The following ZC3H12B variants were observed in gnomAD, a reference collection of about 807,000 sequenced individuals.
ZC3H12B encodes the protein probable ribonuclease ZC3H12B.
A neutral mutation model predicts 43.9 loss-of-function variants in ZC3H12B; 7 were observed. The observed-to-expected ratio is 0.16, with a 90% CI of 0.09 to 0.30. The LOEUF (loss-of-function observed/expected upper bound fraction) is 0.30, where lower values mean the gene tolerates loss of function less well. Among genes scored for constraint, ZC3H12B ranks in the 10% least tolerant of loss-of-function variants. The pLI, the probability that ZC3H12B is intolerant of heterozygous loss-of-function variation, is 1.00. For synonymous variants in ZC3H12B, 222 were observed against 241.7 expected, an observed-to-expected ratio of 0.92 and a Z score of 0.76; for missense variants, 475 against 670.2, an observed-to-expected ratio of 0.71 and a Z score of 3.22.
At chrX:65,167,961 T>C in the ZC3H12B span, among the ~76,000 whole-genome samples, 1 of 112,050 alleles carries the variant, frequency 8.9e-6, no homozygotes, top group Non-Finnish European at 1.9e-5. Flanking sequence ...TTTCGAAATA[T>C]ACAGTCATGT....
At chrX:65,225,311 G>A in the ZC3H12B span, among the ~76,000 whole-genome samples, 122 of 112,551 alleles carry the variant, frequency 1.1e-3, 2 homozygotes, top group South Asian at 0.043. Context: ...CTGCAGCTGA[G>A]GGTCCTGTCT....
the ZC3H12B span, among the ~76,000 whole-genome samples, chrX:65,316,206 G>A: frequency 8.9e-6 from 1 of 111,938 alleles, no homozygotes; most frequent in Non-Finnish European, 1.9e-5. Context: ...CAACATATCA[G>A]CATTGAAATA....
At chrX:65,344,485 A>G in the ZC3H12B span, among the ~76,000 whole-genome samples, 1 of 112,318 alleles carries the variant, frequency 8.9e-6, no homozygotes, top group East Asian at 2.8e-4. Context: ...CTCCCTATTC[A>G]CCAAATGGTA....
chrX:65,329,137 A>G, the ZC3H12B span, among the ~76,000 whole-genome samples: 1 of 111,436 alleles, frequency 9.0e-6, no homozygotes, highest in Non-Finnish European at 1.9e-5. Flanking sequence ...GTCTTCCACA[A>G]TGGGTGAACT....
chrX:65,118,170 G>T, the ZC3H12B span, among the ~76,000 whole-genome samples: 10 of 111,596 alleles, frequency 9.0e-5, no homozygotes, highest in Non-Finnish European at 1.5e-4. Flanking sequence ...CCATTTTCAT[G>T]ATATTGATTC....
chrX:65,222,935 C>G, the ZC3H12B span, among the ~76,000 whole-genome samples: 1 of 111,079 alleles, frequency 9.0e-6, no homozygotes, highest in Non-Finnish European at 1.9e-5. Context: ...CAAAGCAAGA[C>G]TAAGCAAAAA....
At chrX:65,213,106 C>A in the ZC3H12B span, among the ~76,000 whole-genome samples, 1 of 108,341 alleles carries the variant, frequency 9.2e-6, no homozygotes, top group Non-Finnish European at 1.9e-5. Flanking sequence ...ATGTGTGAAT[C>A]CTTGTAAATT....
intron 1 of ZC3H12B, among the ~76,000 whole-genome samples, chrX:65,496,128 C>T (rs2068276843): frequency 8.9e-6 from 1 of 112,114 alleles, no homozygotes; most frequent in Non-Finnish European, 1.9e-5. Flanking sequence ...TTTTTCTAAG[C>T]TTATACATAG....
chrX:65,487,546 AC>A (rs1410743082), upstream of ZC3H12B, among the ~76,000 whole-genome samples: 2 of 89,451 alleles, frequency 2.2e-5, no homozygotes, highest in Non-Finnish European at 3.8e-5. Context: ...TCTTAAAAAA[AC>A]AAACCAAAAA....
At chrX:65,378,765 C>T (rs764977583) in intron 2 of ZC3H12B, among the ~76,000 whole-genome samples, 1 of 112,496 alleles carries the variant, frequency 8.9e-6, no homozygotes, top group African/African-American at 3.2e-5. Flanking sequence ...GTGTGCCTGC[C>T]AAAGCAGGGT....
chrX:65,199,127 A>T, the ZC3H12B span, among the ~76,000 whole-genome samples: 8 of 108,465 alleles, frequency 7.4e-5, no homozygotes, highest in East Asian at 8.7e-4. Flanking sequence ...TGCCCTTAAA[A>T]GGCTATTTTC....
At chrX:65,292,374 G>A in the ZC3H12B span, among the ~76,000 whole-genome samples, 3 of 111,608 alleles carry the variant, frequency 2.7e-5, no homozygotes, top group Non-Finnish European at 3.8e-5. Flanking sequence ...AACTAACACA[G>A]GAAAAGAAAA....
At chrX:65,041,736 A>G in the ZC3H12B span, among the ~76,000 whole-genome samples, 1 of 112,208 alleles carries the variant, frequency 8.9e-6, no homozygotes, top group Admixed American at 9.4e-5. Context: ...CTGCAGCTCT[A>G]AAAGTAGTAA....
At chrX:65,158,951 A>C in the ZC3H12B span, among the ~76,000 whole-genome samples, 1 of 111,894 alleles carries the variant, frequency 8.9e-6, no homozygotes, top group Admixed American at 9.5e-5. Flanking sequence ...ATTTTTGTAT[A>C]AGGTGTAAGG....
chrX:65,234,016 TCAAGTA>T, the ZC3H12B span, among the ~76,000 whole-genome samples: 1 of 111,432 alleles, frequency 9.0e-6, no homozygotes, highest in Non-Finnish European at 1.9e-5. Context: ...AATTCATTCT[TCAAGTA>T]CAGTATTACC....
At chrX:65,241,962 C>CT in the ZC3H12B span, among the ~76,000 whole-genome samples, 1 of 111,559 alleles carries the variant, frequency 9.0e-6, no homozygotes, top group African/African-American at 3.3e-5. Flanking sequence ...ACTCTGCACA[C>CT]TTTTTTGTAT....
intron 2 of ZC3H12B, among the ~76,000 whole-genome samples, chrX:65,373,807 G>C (rs181544869): frequency 6.5e-4 from 59 of 90,369 alleles, no homozygotes; most frequent in African/African-American, 2.5e-3. Flanking sequence ...GAGTTAATGA[G>C]TGCAGCACAC....
chrX:65,223,574 C>T, the ZC3H12B span, among the ~76,000 whole-genome samples: 5 of 112,457 alleles, frequency 4.4e-5, no homozygotes, highest in African/African-American at 1.6e-4. Flanking sequence ...GTCTATACAT[C>T]TAACAATCAA....
chrX:65,121,055 T>C, the ZC3H12B span, among the ~76,000 whole-genome samples: 1 of 111,462 alleles, frequency 9.0e-6, no homozygotes, highest in East Asian at 2.8e-4. Context: ...TTTTTGCCAG[T>C]ATTTTATTGA....
Sources: gnomAD v4.1 joint callset for allele counts (sites outside exome capture counted in the v4.1 genomes callset) on GRCh38, gnomAD v4.1.1 for gene constraint, MANE v1.5 for transcripts, NCBI Gene and HGNC (gene_info 2026-07-23, HGNC 2026-07-21) for gene names.